TLCD4: variants seen among roughly 807,000 people sequenced by gnomAD.
The protein encoded by TLCD4 is TLC domain-containing protein 4.
TLCD4 carries 7 observed loss-of-function variants against 24.2 expected under a neutral mutation model. That is an observed-to-expected ratio of 0.29 (90% confidence interval 0.16 to 0.54). TLCD4 has a LOEUF of 0.54. Ranked by LOEUF, TLCD4 falls within the 20% of genes least tolerant of loss-of-function variation. TLCD4 has a pLI of 0.95. For synonymous variants in TLCD4, 103 were observed against 106.4 expected (o/e 0.97, Z 0.20); for missense variants, 259 against 313.9 (o/e 0.82, Z 1.32).
At chr1:95,191,028 T>A (rs1679011056) in intron 6 of TLCD4, among the ~76,000 whole-genome samples, 1 of 152,192 alleles carries the variant, frequency 6.6e-6, no homozygotes, top group South Asian at 2.1e-4. Context: ...TGGTGTTGTA[T>A]CTAAAATAGC....
chr1:95,094,451 A>G, the TLCD4 span, among the ~76,000 whole-genome samples: 1 of 152,202 alleles, frequency 6.6e-6, no homozygotes. Flanking sequence ...ATAAGAGTCT[A>G]CATGGAGAAA....
the TLCD4 span, among the ~76,000 whole-genome samples, chr1:95,093,719 G>T: frequency 6.6e-6 from 1 of 152,114 alleles, no homozygotes; most frequent in East Asian, 1.9e-4. Context: ...TCCGAAATTC[G>T]TATGTCCAAC....
At chr1:95,182,106 G>A (rs1678666697) in intron 6 of TLCD4, among the ~76,000 whole-genome samples, 1 of 152,138 alleles carries the variant, frequency 6.6e-6, no homozygotes, top group Non-Finnish European at 1.5e-5. Context: ...CACAGTTGCA[G>A]ATAACAAATT....
intron 6 of TLCD4, among the ~76,000 whole-genome samples, chr1:95,182,798 A>T (rs1678692587): frequency 6.6e-6 from 1 of 152,226 alleles, no homozygotes; most frequent in South Asian, 2.1e-4. Context: ...CTTCACAGAG[A>T]ACGTGGCATA....
intron 4 of TLCD4, among the ~76,000 whole-genome samples, chr1:95,151,024 C>CAA: frequency 6.6e-6 from 1 of 152,160 alleles, no homozygotes; most frequent in East Asian, 1.9e-4. Context: ...AAAATAATGG[C>CAA]AAAAATCACA....
chr1:95,104,909 A>C, the TLCD4 span, among the ~76,000 whole-genome samples: 1 of 151,742 alleles, frequency 6.6e-6, no homozygotes. Flanking sequence ...AGTCCTAGCT[A>C]CTTGGGAGGT....
chr1:95,133,855 G>A (rs1023508031), intron 1 of TLCD4, among the ~76,000 whole-genome samples: 1 of 151,970 alleles, frequency 6.6e-6, no homozygotes, highest in African/African-American at 2.4e-5. Context: ...TGAGTAAATA[G>A]TTGGGCATAT....
intron 4 of TLCD4, 147 bp downstream of exon 4, chr1:95,150,413 A>G (rs1677463001): frequency 9.9e-7 from 1 of 1,005,516 alleles, no homozygotes; most frequent in Non-Finnish European, 1.4e-6. Context: ...TGATGGTAGA[A>G]CATGAAATGT....
the TLCD4 span, among the ~76,000 whole-genome samples, chr1:95,110,819 G>A: frequency 3.5e-5 from 5 of 144,822 alleles, no homozygotes; most frequent in African/African-American, 1.3e-4. Flanking sequence ...ATTGCCCCAT[G>A]CACTCTAGCC....
intron 2 of TLCD4, among the ~76,000 whole-genome samples, chr1:95,147,860 A>C (rs1677392466): frequency 6.6e-6 from 1 of 152,216 alleles, no homozygotes; most frequent in South Asian, 2.1e-4. Flanking sequence ...ACAGTATCCT[A>C]AGTATAGTTC....
chr1:95,159,492 A>G (rs993963110), intron 5 of TLCD4, among the ~76,000 whole-genome samples: 2 of 152,304 alleles, frequency 1.3e-5, no homozygotes, highest in East Asian at 3.9e-4. Flanking sequence ...TTTGCTGTGC[A>G]GAAGCTCTTT....
intron 6 of TLCD4, among the ~76,000 whole-genome samples, chr1:95,184,306 C>T (rs1341132959): frequency 1.3e-5 from 2 of 152,164 alleles, no homozygotes; most frequent in Admixed American, 1.3e-4. Context: ...ACTCAACAAA[C>T]CAGTGCCATC....
At chr1:95,116,487 A>G (rs934360195), upstream of TLCD4, among the ~76,000 whole-genome samples, 1 of 152,216 alleles carries the variant, frequency 6.6e-6, no homozygotes, top group African/African-American at 2.4e-5. Flanking sequence ...TCCTGTTATC[A>G]ATGATAGTGT....
intron 1 of TLCD4, among the ~76,000 whole-genome samples, chr1:95,141,713 G>T (rs1172154320): frequency 6.6e-6 from 1 of 150,876 alleles, no homozygotes; most frequent in Non-Finnish European, 1.5e-5. Context: ...AACATATGTT[G>T]AATTAAAAAG....
chr1:95,107,204 A>G, the TLCD4 span, among the ~76,000 whole-genome samples: 7 of 152,154 alleles, frequency 4.6e-5, no homozygotes, highest in South Asian at 2.1e-4. Context: ...CATGCGGATC[A>G]TGAGGTCAGG....
intron 5 of TLCD4, among the ~76,000 whole-genome samples, chr1:95,152,016 A>G (rs71654415): frequency 0.15 from 23,433 of 152,058 alleles, 1,966 homozygotes; most frequent in Non-Finnish European, 0.18. Flanking sequence ...TCTAGAATCA[A>G]TTGTTTTTCA....
chr1:95,106,946 A>G, the TLCD4 span, among the ~76,000 whole-genome samples: 2 of 152,158 alleles, frequency 1.3e-5, no homozygotes, highest in Non-Finnish European at 2.9e-5. Flanking sequence ...CTGACTTCTC[A>G]TATAGAATGT....
At chr1:95,171,775 G>T (rs562355236) in intron 5 of TLCD4, among the ~76,000 whole-genome samples, 1 of 152,266 alleles carries the variant, frequency 6.6e-6, no homozygotes, top group Admixed American at 6.5e-5. Context: ...ATTTGGGATT[G>T]GGCATTGTTA....
chr1:95,100,903 T>G, the TLCD4 span, among the ~76,000 whole-genome samples: 23 of 136,052 alleles, frequency 1.7e-4, no homozygotes, highest in African/African-American at 5.9e-4. Flanking sequence ...AACTCAAAGG[T>G]CTCCAACTTT....
Sources: allele counts gnomAD v4.1 joint callset (sites outside exome capture counted in the v4.1 genomes callset), GRCh38; gene constraint gnomAD v4.1.1; transcripts MANE v1.5; gene names NCBI Gene and HGNC (gene_info 2026-07-23, HGNC 2026-07-21).